The following PKNOX2 variants were observed in gnomAD, a reference collection of about 807,000 sequenced individuals.
The protein encoded by PKNOX2 is homeobox protein PKNOX2.
Under a neutral mutation model 53.1 loss-of-function variants are expected in PKNOX2, and 14 were observed. That is an observed-to-expected ratio of 0.26 (90% CI 0.17 to 0.41). The LOEUF (loss-of-function observed/expected upper bound fraction) is 0.41, where lower values mean the gene tolerates loss of function less well. Among genes scored for constraint, PKNOX2 ranks in the 10% least tolerant of loss-of-function variants. PKNOX2 has a pLI of 1.00. For synonymous variants in PKNOX2, 257 were observed against 242.8 expected (o/e 1.06, Z -0.54); for missense variants, 496 against 602.8 (o/e 0.82, Z 1.85).
At chr11:125,178,580 AG>A (rs1955875496) in intron 1 of PKNOX2, among the ~76,000 whole-genome samples, 7 of 34,342 alleles carry the variant, frequency 2.0e-4, no homozygotes, top group South Asian at 1.2e-3. Flanking sequence ...GAAGGAAGGA[AG>A]GAAGGAAGGA....
chr11:125,191,143 T>C (rs909576663), intron 1 of PKNOX2: 1 of 152,172 alleles, frequency 6.6e-6, no homozygotes, highest in South Asian at 2.1e-4. Context: ...TATAATAACA[T>C]AGCTTATACT....
intron 4 of PKNOX2, among the ~76,000 whole-genome samples, chr11:125,363,791 TTGGGGAAAA>T (rs1357994605): frequency 2.0e-5 from 3 of 152,198 alleles, no homozygotes; most frequent in South Asian, 2.1e-4. Context: ...AGAAAGCTAC[TTGGGGAAAA>T]ACTGAAATTA....
intron 1 of PKNOX2, among the ~76,000 whole-genome samples, chr11:125,189,467 A>G (rs1165086671): frequency 1.4e-4 from 17 of 118,652 alleles, no homozygotes; most frequent in South Asian, 5.6e-4. Context: ...ATATATATAT[A>G]TATATATATA....
At chr11:125,199,775 C>T (rs937010607) in intron 1 of PKNOX2, among the ~76,000 whole-genome samples, 4 of 152,154 alleles carry the variant, frequency 2.6e-5, no homozygotes, top group Admixed American at 6.5e-5. Flanking sequence ...TGAACCCAGG[C>T]GGTGGAGGTT....
chr11:125,336,463 A>C (rs1950435199), intron 3 of PKNOX2, among the ~76,000 whole-genome samples: 1 of 150,782 alleles, frequency 6.6e-6, no homozygotes, highest in East Asian at 1.9e-4. Context: ...GATATTATCT[A>C]TTTTTAGTTC....
At chr11:125,194,852 T>C (rs1292630994) in intron 1 of PKNOX2, among the ~76,000 whole-genome samples, 5 of 152,230 alleles carry the variant, frequency 3.3e-5, no homozygotes, top group African/African-American at 1.2e-4. Context: ...CTCCAGCTAA[T>C]TTAATTCTCA....
intron 2 of PKNOX2, among the ~76,000 whole-genome samples, chr11:125,306,694 G>A (rs1004544121): frequency 6.6e-6 from 1 of 152,184 alleles, no homozygotes; most frequent in Non-Finnish European, 1.5e-5. Flanking sequence ...TGAGGCAGTG[G>A]GGGTGGAGGA....
At chr11:125,338,048 A>G (rs2136138942) in intron 3 of PKNOX2, among the ~76,000 whole-genome samples, 1 of 152,324 alleles carries the variant, frequency 6.6e-6, no homozygotes, top group Middle Eastern at 3.4e-3. Flanking sequence ...GCTGGGTTTC[A>G]GGTCAGCCGC....
chr11:125,245,063 A>T (rs950945141), intron 2 of PKNOX2, among the ~76,000 whole-genome samples: 3 of 152,104 alleles, frequency 2.0e-5, no homozygotes, highest in African/African-American at 7.2e-5. Flanking sequence ...CCCAATTTTT[A>T]AAAAAGTGTA....
chr11:125,311,097 T>C (rs1281235646), intron 2 of PKNOX2, among the ~76,000 whole-genome samples: 2 of 152,208 alleles, frequency 1.3e-5, no homozygotes, highest in Non-Finnish European at 2.9e-5. Context: ...AGCACACTTC[T>C]AACAGGCCCA....
At chr11:125,395,230 A>T (rs1326702822) in intron 6 of PKNOX2, among the ~76,000 whole-genome samples, 1 of 152,104 alleles carries the variant, frequency 6.6e-6, no homozygotes, top group Non-Finnish European at 1.5e-5. Context: ...ATCTATCCAC[A>T]TTGTTGGGCA....
rs535371939 is a variant in PKNOX2 at position 125,416,319 on chromosome 11, A to G, written c.936+4454A>G. The stretch of plus-strand genomic sequence containing the variant: ...CGCCGTCTCAAAAAAAAAAAAAAAA[A>G]AAAAAAAAGAAAGTGGAATTACAAC... On this transcript the variant is annotated intron_variant, in intron 10 of 12. Coordinates refer to ENST00000298282, the MANE Select transcript of PKNOX2 (RefSeq NM_001382323.2). Among the ~76,000 whole-genome samples the G allele has an allele frequency of 3.2e-4, 49 of 150,942 alleles. 2 individuals are homozygous for G. In the East Asian group the frequency reaches 8.3e-3, roughly 26 times the overall value.
chr11:125,409,658 C>T (rs939426418), intron 7 of PKNOX2, among the ~76,000 whole-genome samples: 1 of 152,102 alleles, frequency 6.6e-6, no homozygotes, highest in Non-Finnish European at 1.5e-5. Context: ...GTGTGGAGAG[C>T]AGCCGGGGGA....
chr11:125,401,846 G>A (rs1440084802), intron 7 of PKNOX2, among the ~76,000 whole-genome samples: 3 of 151,956 alleles, frequency 2.0e-5, no homozygotes, highest in African/African-American at 4.8e-5. Context: ...TAATCCCCCC[G>A]GCCTGAAATA....
At chr11:125,359,463 A>G (rs1172410268) in intron 4 of PKNOX2, among the ~76,000 whole-genome samples, 1 of 152,020 alleles carries the variant, frequency 6.6e-6, no homozygotes, top group Non-Finnish European at 1.5e-5. Flanking sequence ...TGAGCCACCC[A>G]TGTCTTTAAA....
At chr11:125,191,749 C>A (rs147976909) in intron 1 of PKNOX2, among the ~76,000 whole-genome samples, 5 of 151,988 alleles carry the variant, frequency 3.3e-5, no homozygotes, top group African/African-American at 1.2e-4. Flanking sequence ...CAGAGGTGGC[C>A]GGGACGTACT....
intron 6 of PKNOX2, among the ~76,000 whole-genome samples, chr11:125,396,617 T>A (rs1591555832): frequency 6.6e-6 from 1 of 151,508 alleles, no homozygotes; most frequent in African/African-American, 2.4e-5. Context: ...TTAGAAAATA[T>A]TCACTGTAAC....
Position 125,166,921 on chromosome 11 carries a change from G to A in PKNOX2, c.-201+2145G>A, listed in dbSNP as rs1040580899. Among the ~76,000 whole-genome samples, 1 of 152,062 alleles carries A rather than the reference G, an allele frequency of 6.6e-6. No homozygotes were observed. The highest frequency in any genetic ancestry group is 1.9e-4 in the East Asian group (1 of 5,164). On this transcript the variant is annotated intron_variant, in intron 1 of 12. Transcript: ENST00000298282. This position sits in a 1 kb window ranked among gnomAD's most constrained non-coding sequence, Gnocchi z 4.0. ...TTAGGCAGTTTAGACGATCCTCCCC[G>A]CCCCAAATCTGAGAATGATGGTGTT...
intron 1 of PKNOX2, among the ~76,000 whole-genome samples, chr11:125,216,520 C>T (rs1190892475): frequency 6.6e-6 from 1 of 152,198 alleles, no homozygotes; most frequent in East Asian, 1.9e-4. Flanking sequence ...CCTGCCCCTT[C>T]TCCCCTCGTT....
Sources: allele counts gnomAD v4.1 joint callset (sites outside exome capture counted in the v4.1 genomes callset), GRCh38; gene constraint gnomAD v4.1.1; non-coding constraint Gnocchi (gnomAD v3.1); transcripts MANE v1.5; gene names NCBI Gene and HGNC (gene_info 2026-07-23, HGNC 2026-07-21).